Variants in NEO1 observed in about 807,000 individuals in gnomAD.
The protein encoded by NEO1 is neogenin.
NEO1 carries 63 observed loss-of-function variants against 159.7 expected under a neutral mutation model. The ratio of observed to expected loss-of-function variants is 0.39; its 90% CI spans 0.32 to 0.49. NEO1 has a LOEUF of 0.49. Among genes scored for constraint, NEO1 ranks in the 20% least tolerant of loss-of-function variants. The pLI is 0.85. For synonymous variants in NEO1, 633 were observed against 662.0 expected, an observed-to-expected ratio of 0.96 and a Z score of 0.67; for missense variants, 1,615 against 1,831.0, an observed-to-expected ratio of 0.88 and a Z score of 2.15.
At chr15:73,244,611 C>G in intron 9 of NEO1, 113 bp downstream of exon 9, 1 of 1,204,592 alleles carries the variant, frequency 8.3e-7, no homozygotes, top group Non-Finnish European at 1.1e-6. Context: ...TCCTTACTTT[C>G]GGGGTCCTTA....
intron 7 of NEO1, among the ~76,000 whole-genome samples, chr15:73,185,515 C>CT (rs1369380285): frequency 2.0e-5 from 3 of 152,170 alleles, no homozygotes; most frequent in African/African-American, 7.2e-5. Context: ...AACAGGAACT[C>CT]TTATTCATTG....
At chr15:73,245,332 G>T (rs1018547266) in intron 9 of NEO1, among the ~76,000 whole-genome samples, 3 of 152,092 alleles carry the variant, frequency 2.0e-5, no homozygotes, top group Non-Finnish European at 4.4e-5. Flanking sequence ...CTTTATTTTG[G>T]ACCTGTGGTC....
intron 7 of NEO1, among the ~76,000 whole-genome samples, chr15:73,200,326 A>G (rs1183617574): frequency 6.6e-6 from 1 of 152,066 alleles, no homozygotes; most frequent in Non-Finnish European, 1.5e-5. Context: ...TACACCTATA[A>G]TCACAGCACT....
Position 73,244,511 on chromosome 15 carries a change from C to A in NEO1, c.1606+13C>A, listed in dbSNP as rs1227298989. 6.2e-7 allele frequency: 1 copy of A among 1,612,148 alleles called. No individual in the cohort carries two copies. Among genetic ancestry groups the A allele is most frequent in the Admixed American group, 1.7e-5 (1 of 59,944 alleles). The stretch of plus-strand genomic sequence containing the variant: ...ACACAACCTGAGGGTAAGTCTTCCA[C>A]CTGTCTGTCAGCACCCCCTAGAGGT... On this transcript the variant is annotated intron_variant, in intron 9 of 28. Transcript: ENST00000261908.
At chr15:73,228,462 T>A (rs11072406) in intron 7 of NEO1, among the ~76,000 whole-genome samples, 59,695 of 148,300 alleles carry the variant, frequency 0.4, 13,516 homozygotes, top group Admixed American at 0.51. Flanking sequence ...ATTTTGGGTA[T>A]AAGTTTTTTT....
At chr15:73,267,658 G>A (rs867974479) in intron 16 of NEO1, among the ~76,000 whole-genome samples, 1 of 150,862 alleles carries the variant, frequency 6.6e-6, no homozygotes, top group East Asian at 2.0e-4. Context: ...TTGTCCTTGC[G>A]ATAGTTTGCT....
intron 8 of NEO1, among the ~76,000 whole-genome samples, chr15:73,239,564 A>G (rs1267874388): frequency 1.3e-5 from 2 of 152,130 alleles, no homozygotes; most frequent in Non-Finnish European, 2.9e-5. Context: ...TTTTTACTGT[A>G]CCTTTTCTGT....
rs1460661083 is a variant in NEO1, at chr15:73,116,837, C to T, written c.428C>T (p.Thr143Ile). 3 of 1,558,484 alleles carry T rather than the reference C, an allele frequency of 1.9e-6. No homozygotes were observed. The African/African-American group carries it at 4.2e-5, about 22-fold the overall frequency. ...AGTCTTGGAACTATTATCAGTAGAACAGCGAAGCTCATAGTAGCAGGTAAG... is the reference window on the plus strand; with the variant it reads ...AGTCTTGGAACTATTATCAGTAGAATAGCGAAGCTCATAGTAGCAGGTAAG... ...VESLGTIISR[T>I]AKLIVAGLPR... The change falls in exon 2 of 29, where the codon ACA becomes ATA. Residue 143 changes from threonine to isoleucine, a missense_variant. Around this residue, in one of 3 missense-constraint regions of NEO1, gnomAD observed 1,018 missense variants for 1,115.4 expected, o/e 0.91. Transcript: ENST00000261908.
At chr15:73,253,497 G>A (rs747746697) in intron 12 of NEO1, 48 bp downstream of exon 12, 27 of 1,318,786 alleles carry the variant, frequency 2.0e-5, no homozygotes, top group Admixed American at 6.2e-5. Flanking sequence ...ATACTGTTGC[G>A]CCTCAGAGGG....
At chr15:73,294,188 G>A (rs1291503640) in intron 26 of NEO1, among the ~76,000 whole-genome samples, 4 of 152,200 alleles carry the variant, frequency 2.6e-5, no homozygotes, top group African/African-American at 9.7e-5. Flanking sequence ...CATGTCCCCA[G>A]TTTGGAAATC....
chr15:73,172,087 G>T (rs766430437), intron 5 of NEO1, among the ~76,000 whole-genome samples: 2 of 152,194 alleles, frequency 1.3e-5, no homozygotes, highest in Non-Finnish European at 2.9e-5. Flanking sequence ...GTAGGGTAGA[G>T]GCTGGGAATG....
At chr15:73,176,692 T>C in intron 6 of NEO1, 135 bp downstream of exon 6, 2 of 603,892 alleles carry the variant, frequency 3.3e-6, no homozygotes, top group East Asian at 6.4e-5. Context: ...ACATAGAATG[T>C]AATACCTTCA....
chr15:73,274,792 G>GTT, intron 21 of NEO1, 68 bp downstream of exon 21: 4 of 1,210,736 alleles, frequency 3.3e-6, no homozygotes, highest in South Asian at 1.6e-5. Context: ...TTTGGTTTTT[G>GTT]TTTCTTTTTT....
rs149470137 is a variant in NEO1 at position 73,116,594 on chromosome 15, C to T, written c.185C>T (p.Thr62Ile). The T allele has an allele frequency of 1.5e-5, 23 of 1,582,834 alleles. No individual in the cohort carries two copies. Among genetic ancestry groups the T allele is most frequent in the East Asian group, 6.8e-5 (3 of 44,250 alleles). ...TATTTTCTGGTGGAGCCGGTGGATA[C>T]ACTCTCAGTTAGAGGCTCTTCTGTT... is the stretch of plus-strand genomic sequence containing the variant. ...PFYFLVEPVD[T>I]LSVRGSSVIL... The change falls in exon 2 of 29, where the codon ACA becomes ATA. Residue 62 changes from threonine (T) to isoleucine (I), a missense_variant. Around this residue, in one of 3 missense-constraint regions of NEO1, gnomAD observed 1,018 missense variants for 1,115.4 expected, o/e 0.91. Coordinates refer to ENST00000261908, the MANE Select transcript of NEO1 (RefSeq NM_002499.4).
chr15:73,113,536 G>A (rs1596023434), intron 1 of NEO1, among the ~76,000 whole-genome samples: 1 of 152,184 alleles, frequency 6.6e-6, no homozygotes, highest in Non-Finnish European at 1.5e-5. Context: ...GGCCACATCT[G>A]TTGGACATTA....
At chr15:73,244,579 T>C in intron 9 of NEO1, 81 bp downstream of exon 9, 3 of 1,427,692 alleles carry the variant, frequency 2.1e-6, no homozygotes, top group Non-Finnish European at 2.9e-6. Flanking sequence ...TTGCACACCA[T>C]AGGGGAGCAG....
At chr15:73,279,708 G>A (rs2041604004) in intron 22 of NEO1, among the ~76,000 whole-genome samples, 1 of 152,300 alleles carries the variant, frequency 6.6e-6, no homozygotes, top group South Asian at 2.1e-4. Flanking sequence ...AGCAAGAGGA[G>A]TTAATAACAA....
At chr15:73,286,242 T>C (rs145727090) in intron 23 of NEO1, among the ~76,000 whole-genome samples, 231 of 152,324 alleles carry the variant, frequency 1.5e-3, no homozygotes, top group African/African-American at 5.2e-3. Flanking sequence ...AGAATTGCTT[T>C]TGTGGAGGTC....
intron 2 of NEO1, among the ~76,000 whole-genome samples, chr15:73,118,316 T>G (rs1345733899): frequency 1.3e-5 from 2 of 152,122 alleles, no homozygotes; most frequent in African/African-American, 4.8e-5. Flanking sequence ...CCTTCAGTGA[T>G]CCTCCAGTAA....
Sources: allele counts gnomAD v4.1 joint callset (sites outside exome capture counted in the v4.1 genomes callset), GRCh38; gene constraint gnomAD v4.1.1; regional missense constraint gnomAD v4.1.1; transcripts MANE v1.5; gene names NCBI Gene and HGNC (gene_info 2026-07-23, HGNC 2026-07-21).